Variants in SNX29 observed in about 807,000 individuals in gnomAD.
SNX29 encodes the protein sorting nexin-29.
Under a neutral mutation model 102.1 loss-of-function variants are expected in SNX29, and 78 were observed. The observed-to-expected ratio is 0.76, with a 90% CI of 0.64 to 0.92. The LOEUF is 0.92. SNX29 is among the 40% of genes least tolerant of loss of function. The pLI is 0.00. For synonymous variants in SNX29, 580 were observed against 414.5 expected, an observed-to-expected ratio of 1.40 and a Z score of -4.85; for missense variants, 1,280 against 1,061.7, an observed-to-expected ratio of 1.21 and a Z score of -2.86.
At position 12,267,377 on chromosome 16, in the gene SNX29, A is replaced by G. The variant is rs143944321; in HGVS notation, c.1679-10556A>G. The stretch of plus-strand genomic sequence containing the variant: ...TGGGGTTTTCATCACTGGGTTCATC[A>G]TTGACAGCATTTTCTAAAATCCAGC... On this transcript the variant is annotated intron_variant, in intron 14 of 20. Transcript: ENST00000566228. Among the ~76,000 whole-genome samples the G allele has an allele frequency of 2.4e-3, 369 of 152,184 alleles. 1 individual carries two copies. The highest frequency in any genetic ancestry group is 8.7e-3 in the African/African-American group (361 of 41,520).
rs143389233 is a variant in SNX29, at chr16:12,544,300, C to T, written c.2318+19459C>T. ...CACTCTCAGTACGGCATCCAGGCCA[C>T]AGGGGAAGGTGGACCCCAAAGTCAT... On this transcript the variant is annotated intron_variant, in intron 20 of 20. Coordinates refer to ENST00000566228, the MANE Select transcript of SNX29 (RefSeq NM_032167.5). Among the ~76,000 whole-genome samples, 79 of 152,226 alleles carry T rather than the reference C, an allele frequency of 5.2e-4. No homozygotes were observed. The East Asian group carries it at 9.8e-3, about 19-fold the overall frequency.
At chr16:12,212,366 G>A (rs558773801) in intron 14 of SNX29, among the ~76,000 whole-genome samples, 1 of 152,270 alleles carries the variant, frequency 6.6e-6, no homozygotes, top group Admixed American at 6.5e-5. Context: ...GCTGTGTGTA[G>A]ACTGGACCTG....
chr16:12,483,403 C>T (rs191246955), intron 19 of SNX29, among the ~76,000 whole-genome samples: 78 of 151,360 alleles, frequency 5.2e-4, no homozygotes, highest in African/African-American at 1.7e-3. Context: ...CTGCAATCTC[C>T]GCCTCCCAGG....
At chr16:12,263,811 A>G (rs1025452475) in intron 14 of SNX29, among the ~76,000 whole-genome samples, 1 of 152,180 alleles carries the variant, frequency 6.6e-6, no homozygotes, top group African/African-American at 2.4e-5. Context: ...CAAGTGAGGT[A>G]TTGGTCAGTA....
intron 15 of SNX29, among the ~76,000 whole-genome samples, chr16:12,278,254 C>CT (rs1282511944): frequency 6.6e-6 from 1 of 151,968 alleles, no homozygotes; most frequent in Non-Finnish European, 1.5e-5. Flanking sequence ...CTTTTTGGCA[C>CT]TTATGATAAG....
chr16:12,382,125 A>T (rs889918290), intron 16 of SNX29, among the ~76,000 whole-genome samples: 2 of 152,018 alleles, frequency 1.3e-5, no homozygotes, highest in Admixed American at 6.6e-5. Context: ...CAGCAACCCT[A>T]TTTGACCCCT....
In SNX29 at chr16:12,568,527, G is replaced by T. The variant is rs116521942; in HGVS notation, c.2340G>T (p.Glu780Asp). The change falls in exon 21 of 21, where the codon GAG becomes GAT. Residue 780 changes from glutamate (E) to aspartate (D), a missense_variant. Glu to Asp is a conservative substitution (Grantham distance 45). Coordinates refer to ENST00000566228, the MANE Select transcript of SNX29 (RefSeq NM_032167.5). Reference sequence around the variant, plus strand: ...TCAGCGACATCACCCCGCCCGGAGAGCCTGTGAACAGCCGGCCCAAAGCAG... The same window carrying T: ...TCAGCGACATCACCCCGCCCGGAGATCCTGTGAACAGCCGGCCCAAAGCAG... ...PFFVDITPPG[E>D]PVNSRPKAAS... is the part of the protein sequence containing the mutation. 6.2e-7 allele frequency: 1 copy of T among 1,609,960 alleles called. No homozygotes were observed.
intron 20 of SNX29, among the ~76,000 whole-genome samples, chr16:12,568,304 TA>T (rs34750195): frequency 2.3e-4 from 34 of 146,414 alleles, no homozygotes; most frequent in Admixed American, 1.2e-3. Flanking sequence ...GGAGTGCTGT[TA>T]AAAAAAAAAA....
chr16:12,281,010 G>A lies in SNX29; in HGVS notation c.1782+2974G>A, dbSNP rs1048901285. ...GCAGCCTCAACCTCCCCGGCTCAAC[G>A]GATCTTCCTACCTCAGCCTCCCAAG... On this transcript the variant is annotated intron_variant, in intron 15 of 20. Coordinates refer to ENST00000566228, the MANE Select transcript of SNX29 (RefSeq NM_032167.5). 2.0e-5 allele frequency among the ~76,000 whole-genome samples: 3 copies of A among 152,140 alleles called. No homozygotes were observed. The East Asian group carries it at 5.8e-4, about 29-fold the overall frequency.
intron 8 of SNX29, among the ~76,000 whole-genome samples, chr16:12,055,374 C>A (rs1371788899): frequency 6.6e-6 from 1 of 151,904 alleles, no homozygotes; most frequent in East Asian, 1.9e-4. Flanking sequence ...GCTGGGATTA[C>A]AGGTACCTAC....
chr16:12,094,424 G>A (rs188506269), intron 11 of SNX29, among the ~76,000 whole-genome samples: 1 of 152,270 alleles, frequency 6.6e-6, no homozygotes, highest in East Asian at 1.9e-4. Flanking sequence ...CTGCAAATAG[G>A]TTGACCTGAT....
At chr16:12,099,876 A>T (rs1012421087) in intron 11 of SNX29, among the ~76,000 whole-genome samples, 8 of 151,996 alleles carry the variant, frequency 5.3e-5, no homozygotes, top group Non-Finnish European at 1.0e-4. Context: ...CCATCTCTGG[A>T]GTGGCACTCT....
chr16:12,326,606 C>T (rs1457185157), intron 15 of SNX29, among the ~76,000 whole-genome samples: 1 of 152,160 alleles, frequency 6.6e-6, no homozygotes, highest in Non-Finnish European at 1.5e-5. Flanking sequence ...CAAAAACGGG[C>T]ACTGGGGCTG....
At chr16:12,161,822 A>G (rs1169589595) in intron 13 of SNX29, among the ~76,000 whole-genome samples, 1 of 151,496 alleles carries the variant, frequency 6.6e-6, no homozygotes, top group Non-Finnish European at 1.5e-5. Flanking sequence ...TTCTGCCATG[A>G]CTGAAAGCTT....
At chr16:12,064,918 T>C (rs969467963) in intron 9 of SNX29, among the ~76,000 whole-genome samples, 1 of 152,276 alleles carries the variant, frequency 6.6e-6, no homozygotes, top group Non-Finnish European at 1.5e-5. Flanking sequence ...AATGGAGACT[T>C]CCCACATGGA....
intron 15 of SNX29, among the ~76,000 whole-genome samples, chr16:12,341,537 T>G (rs1402092677): frequency 6.6e-6 from 1 of 152,238 alleles, no homozygotes; most frequent in Non-Finnish European, 1.5e-5. Context: ...AAAAGCTTAT[T>G]TCCTGTTCGT....
intron 15 of SNX29, among the ~76,000 whole-genome samples, chr16:12,341,620 G>A (rs1311866652): frequency 1.3e-5 from 2 of 152,242 alleles, no homozygotes; most frequent in African/African-American, 4.8e-5. Flanking sequence ...AGAAATCTAG[G>A]TGGACAGAGG....
At chr16:12,213,245 C>T (rs2077235242) in intron 14 of SNX29, among the ~76,000 whole-genome samples, 1 of 152,158 alleles carries the variant, frequency 6.6e-6, no homozygotes, top group African/African-American at 2.4e-5. Context: ...AGAAAAATAG[C>T]ACATCCTCTA....
chr16:12,171,134 C>T (rs900629350), intron 13 of SNX29, among the ~76,000 whole-genome samples: 6 of 152,114 alleles, frequency 3.9e-5, no homozygotes, highest in Non-Finnish European at 8.8e-5. Flanking sequence ...CAGCCTCACC[C>T]TCCTGCCTGG....
Sources: gnomAD v4.1 joint callset for allele counts (sites outside exome capture counted in the v4.1 genomes callset) on GRCh38, gnomAD v4.1.1 for gene constraint, MANE v1.5 for transcripts, NCBI Gene and HGNC (gene_info 2026-07-23, HGNC 2026-07-21) for gene names.